The following SGO2 variants were observed in gnomAD, a reference collection of about 807,000 sequenced individuals.
SGO2 encodes the protein shugoshin 2, also known as shugoshin-like 2.
In SGO2, 68 loss-of-function variants were observed where a neutral mutation model predicts 99.5. The observed-to-expected ratio is 0.68, with a 90% CI of 0.56 to 0.84. SGO2 has a LOEUF of 0.84. SGO2 is among the 40% of genes least tolerant of loss of function. The probability of loss-of-function intolerance (pLI) is 0.00; values close to 1 mark genes in which losing one functional copy is unlikely to be tolerated. For synonymous variants in SGO2, 457 were observed against 487.1 expected, an observed-to-expected ratio of 0.94 and a Z score of 0.81; for missense variants, 1,350 against 1,436.7, an observed-to-expected ratio of 0.94 and a Z score of 0.97.
At chr2:200,577,473 C>T (rs2033705304) in intron 8 of SGO2, among the ~76,000 whole-genome samples, 1 of 152,152 alleles carries the variant, frequency 6.6e-6, no homozygotes, top group Non-Finnish European at 1.5e-5. Context: ...CCCCTATGGT[C>T]CTCTCCCAGC....
At chr2:200,581,784 T>C (rs984883689) in intron 8 of SGO2, among the ~76,000 whole-genome samples, 5 of 152,228 alleles carry the variant, frequency 3.3e-5, no homozygotes, top group African/African-American at 1.2e-4. Flanking sequence ...CTAAGCTGTA[T>C]AGCAAATCAT....
intron 5 of SGO2, among the ~76,000 whole-genome samples, chr2:200,552,711 G>A (rs192999472): frequency 6.1e-4 from 93 of 152,242 alleles, no homozygotes; most frequent in African/African-American, 1.9e-3. Flanking sequence ...GAGGTAGACC[G>A]GAGGTCACTT....
Position 200,572,079 on chromosome 2 carries a change from A to T in SGO2, c.1733A>T (p.Asn578Ile), listed in dbSNP as rs1216670566. Residue 578 changes from asparagine to isoleucine, a missense_variant, in exon 7 of 9, where the codon AAT becomes ATT. Transcript: ENST00000357799. ...ACAGCCAATCTTTCCACCAAAGATA[A>T]TGGAAATTTATGTGATTATGGGACC... is the stretch of plus-strand genomic sequence containing the variant. The part of the protein sequence containing the change: ...FHTANLSTKD[N>I]GNLCDYGTHN... 6.2e-7 allele frequency: 1 copy of T among 1,613,528 alleles called. No individual in the cohort carries two copies. Among genetic ancestry groups the T allele is most frequent in the African/African-American group, 1.3e-5 (1 of 75,018 alleles).
chr2:200,550,617 A>G (rs575462802), intron 5 of SGO2, among the ~76,000 whole-genome samples: 1 of 152,292 alleles, frequency 6.6e-6, no homozygotes, highest in Admixed American at 6.5e-5. Context: ...ATAGTGCGGG[A>G]AAACTGGATA....
At chr2:200,560,002 TG>T (rs2032877378) in intron 5 of SGO2, among the ~76,000 whole-genome samples, 1 of 152,166 alleles carries the variant, frequency 6.6e-6, no homozygotes, top group Non-Finnish European at 1.5e-5. Flanking sequence ...GAAAAAAATG[TG>T]TAGTTTGCAA....
Position 200,548,201 on chromosome 2 carries a change from G to T in SGO2, c.473+5537G>T, listed in dbSNP as rs371834278. ...ACATTCTTTTCATCAACACATGGAA[G>T]ATTTTTAAGAATAGACCATATCTTA... On this transcript the variant is annotated intron_variant, in intron 5 of 8. Transcript: ENST00000357799. 1.5e-3 allele frequency among the ~76,000 whole-genome samples: 228 copies of T among 151,288 alleles called. 1 individual carries two copies. Among genetic ancestry groups the T allele is most frequent in the African/African-American group, 5.2e-3 (214 of 41,144 alleles).
chr2:200,553,345 G>A (rs2032573761), intron 5 of SGO2, among the ~76,000 whole-genome samples: 2 of 152,160 alleles, frequency 1.3e-5, no homozygotes, highest in East Asian at 3.9e-4. Flanking sequence ...AGCTAATAGG[G>A]AGTCACTAAC....
intron 1 of SGO2, 105 bp from the exon 2 acceptor site, chr2:200,532,869 G>A: frequency 8.5e-7 from 1 of 1,171,932 alleles, no homozygotes; most frequent in Non-Finnish European, 1.2e-6. Context: ...AATACTTAAT[G>A]CACAAAGTAT....
In SGO2 at chr2:200,580,620, C is replaced by T. The variant is rs897824457; in HGVS notation, c.3783-2829C>T. The T allele has an allele frequency of 1.0e-4, 29 of 287,850 alleles. No homozygotes were observed. In the Admixed American group the frequency reaches 1.3e-3, roughly 13 times the overall value. The allele number at this position is 287,850 out of a possible 1,614,324, so 17.8% of individuals were successfully genotyped here. A position where few individuals can be genotyped will look rare whatever the true frequency, so the allele number is the denominator to read the frequency against. On this transcript the variant is annotated intron_variant, in intron 8 of 8. Transcript: ENST00000357799. ...GCTGAGGTGAGAGGATCACTTGAGC[C>T]CAAGAGTCGGAGACCAGCCTGGGCA... is the stretch of plus-strand genomic sequence containing the variant.
intron 2 of SGO2, among the ~76,000 whole-genome samples, chr2:200,534,630 G>A (rs968645868): frequency 6.6e-6 from 1 of 152,202 alleles, no homozygotes; most frequent in Non-Finnish European, 1.5e-5. Context: ...TGCAGAATCA[G>A]TTTCTCCATT....
intron 5 of SGO2, among the ~76,000 whole-genome samples, chr2:200,556,432 G>C (rs1204641530): frequency 1.3e-5 from 2 of 152,142 alleles, no homozygotes; most frequent in East Asian, 3.9e-4. Flanking sequence ...CTAAAGTTAT[G>C]ACTTAACCAT....
chr2:200,536,228 T>G, intron 4 of SGO2, 86 bp downstream of exon 4: 1 of 801,374 alleles, frequency 1.2e-6, no homozygotes, highest in East Asian at 2.7e-5. Context: ...AGGTTAGAGA[T>G]TCACATTTCA....
At chr2:200,561,579 T>C (rs1310449605) in intron 5 of SGO2, among the ~76,000 whole-genome samples, 1 of 152,214 alleles carries the variant, frequency 6.6e-6, no homozygotes. Flanking sequence ...TACCCAGTAA[T>C]GGGATGGCTG....
chr2:200,581,175 T>C (rs75934083), intron 8 of SGO2, among the ~76,000 whole-genome samples: 2,695 of 152,320 alleles, frequency 0.018, 38 homozygotes, highest in Middle Eastern at 0.037. Flanking sequence ...ATTGCTTAGA[T>C]GTATATTCTC....
At chr2:200,581,731 T>C (rs1291363230) in intron 8 of SGO2, among the ~76,000 whole-genome samples, 1 of 152,204 alleles carries the variant, frequency 6.6e-6, no homozygotes, top group Non-Finnish European at 1.5e-5. Context: ...CACTCGGAAT[T>C]TATACTGAAT....
chr2:200,554,906 AT>A (rs1001295200), intron 5 of SGO2, among the ~76,000 whole-genome samples: 2 of 152,096 alleles, frequency 1.3e-5, no homozygotes, highest in African/African-American at 2.4e-5. Flanking sequence ...CCCTTTATAA[AT>A]TTTTTTTAAA....
chr2:200,573,162 A>G lies in SGO2; in HGVS notation c.2816A>G (p.Lys939Arg). 1 of 1,587,208 alleles carries G rather than the reference A, an allele frequency of 6.3e-7. No homozygotes were observed. Among genetic ancestry groups the G allele is most frequent in the Non-Finnish European group, 8.5e-7 (1 of 1,173,042 alleles). ...GCACATGTCCAAGAAAGCTATACAA[A>G]AGATCTTGATTTTAAAGTAAATAAA... is the stretch of plus-strand genomic sequence containing the variant. ...KDAHVQESYT[K>R]DLDFKVNKSK... Residue 939 changes from lysine to arginine, a missense_variant, in exon 7 of 9, where the codon AAA becomes AGA. Lys to Arg is a conservative substitution (Grantham distance 26). Coordinates refer to ENST00000357799, the MANE Select transcript of SGO2 (RefSeq NM_152524.6).
At chr2:200,556,831 G>C (rs188734089) in intron 5 of SGO2, among the ~76,000 whole-genome samples, 2 of 152,174 alleles carry the variant, frequency 1.3e-5, no homozygotes, top group East Asian at 1.9e-4. Context: ...GAGAGAGAGA[G>C]AGAGACAGAG....
chr2:200,546,353 GAAAAAAAAAA>G (rs772361302), intron 5 of SGO2, among the ~76,000 whole-genome samples: 2 of 42,248 alleles, frequency 4.7e-5, no homozygotes, highest in African/African-American at 1.0e-4. Context: ...ACTCCATCTG[GAAAAAAAAAA>G]AAAAAAAAAA....
Sources: gnomAD v4.1 joint callset for allele counts (sites outside exome capture counted in the v4.1 genomes callset) on GRCh38, gnomAD v4.1.1 for gene constraint, MANE v1.5 for transcripts, NCBI Gene and HGNC (gene_info 2026-07-23, HGNC 2026-07-21) for gene names.